ARHGAP21: variants seen among roughly 807,000 people sequenced by gnomAD.
ARHGAP21 encodes the protein Rho GTPase activating protein 21, also known as rho GTPase-activating protein 21.
ARHGAP21 carries 38 observed loss-of-function variants against 164.6 expected under a neutral mutation model. That is an observed-to-expected ratio of 0.23 (90% CI 0.18 to 0.30). The LOEUF is 0.30. Ranked by LOEUF, ARHGAP21 falls within the 10% of genes least tolerant of loss-of-function variation. The pLI, the probability that ARHGAP21 is intolerant of heterozygous loss-of-function variation, is 1.00. For synonymous variants in ARHGAP21, 766 were observed against 857.9 expected, an observed-to-expected ratio of 0.89 and a Z score of 1.87; for missense variants, 1,822 against 2,370.7, an observed-to-expected ratio of 0.77 and a Z score of 4.81.
At chr10:24,675,520 C>T (rs896505425) in intron 2 of ARHGAP21, among the ~76,000 whole-genome samples, 7 of 152,056 alleles carry the variant, frequency 4.6e-5, no homozygotes, top group Admixed American at 3.9e-4. Flanking sequence ...TGCATACTTG[C>T]GTATAAACTT....
rs747384297 is a variant in ARHGAP21 at position 24,619,454 on chromosome 10, T to A, written c.2422+19A>T. 124 of 1,594,204 alleles carry A rather than the reference T, an allele frequency of 7.8e-5. No individual in the cohort carries two copies. The highest frequency in any genetic ancestry group is 9.6e-5 in the Non-Finnish European group (112 of 1,170,912). ...CTTATACATTTGGCATATTAGCCAA[T>A]GACTCTAAATGAGCTCACCTATAAA... On this transcript the variant is annotated intron_variant, in intron 9 of 25. Transcript: ENST00000396432.
intron 9 of ARHGAP21, among the ~76,000 whole-genome samples, chr10:24,612,359 T>A (rs1041755135): frequency 6.6e-6 from 1 of 152,198 alleles, no homozygotes; most frequent in Non-Finnish European, 1.5e-5. Flanking sequence ...AAATGGCAAC[T>A]AACCTAAAAT....
chr10:24,618,403 C>G (rs1834199709), intron 9 of ARHGAP21, among the ~76,000 whole-genome samples: 1 of 152,010 alleles, frequency 6.6e-6, no homozygotes, highest in African/African-American at 2.4e-5. Flanking sequence ...CAAAACATGT[C>G]AAGTGGAAAC....
chr10:24,673,495 T>C lies in ARHGAP21; in HGVS notation c.64-3098A>G, dbSNP rs576198992. Among the ~76,000 whole-genome samples, 18 of 152,304 alleles carry C rather than the reference T, an allele frequency of 1.2e-4. No homozygotes were observed. In the South Asian group the frequency reaches 3.5e-3, roughly 30 times the overall value. ...CACAAATCGCCCTGGAACAACTGTGTGGAGGCTGTGTGCAAGAAAAGAAAA... is the reference window on the plus strand; with the variant it reads ...CACAAATCGCCCTGGAACAACTGTGCGGAGGCTGTGTGCAAGAAAAGAAAA... On this transcript the variant is annotated intron_variant, in intron 2 of 25. Coordinates refer to ENST00000396432, the MANE Select transcript of ARHGAP21 (RefSeq NM_020824.4).
At chr10:24,613,647 T>C (rs1458033885) in intron 9 of ARHGAP21, among the ~76,000 whole-genome samples, 4 of 152,206 alleles carry the variant, frequency 2.6e-5, no homozygotes, top group South Asian at 2.1e-4. Flanking sequence ...ACGTTTGCCA[T>C]GGCAAGATGG....
At chr10:24,652,073 C>A (rs1366643509) in intron 4 of ARHGAP21, among the ~76,000 whole-genome samples, 1 of 152,176 alleles carries the variant, frequency 6.6e-6, no homozygotes, top group Non-Finnish European at 1.5e-5. Context: ...CACATGCAAT[C>A]TCCGTCGCAT....
In ARHGAP21 at chr10:24,620,404, A is replaced by T. The variant is rs772868617; in HGVS notation, c.1491T>A (p.Asp497Glu). ...SFSNHRTRSW[D>E]YIEGQDETLE... ...AGGTTTCATCCTGTCCCTCAATATA[A>T]TCCCATGAACGAGTTCTATGATTAC... Residue 497 changes from aspartate (D) to glutamate (E), a missense_variant, in exon 9 of 26, where the codon GAT becomes GAA. Asp to Glu is a conservative substitution (Grantham distance 45). Transcript: ENST00000396432. 7 of 1,612,286 alleles carry T rather than the reference A, an allele frequency of 4.3e-6. No individual in the cohort carries two copies. The Admixed American group carries it at 1.2e-4, about 27-fold the overall frequency.
chr10:24,597,892 T>C (rs1393534012), intron 15 of ARHGAP21, 53 bp downstream of exon 15: 3 of 1,541,714 alleles, frequency 1.9e-6, no homozygotes, highest in Non-Finnish European at 2.7e-6. Context: ...ATAAGGGGGA[T>C]GACTGTACTG....
rs193213027 is a variant in ARHGAP21 at position 24,602,235 on chromosome 10, T to C, written c.2722-132A>G. 4.7e-5 allele frequency: 48 copies of C among 1,026,194 alleles called. No individual in the cohort carries two copies. The African/African-American group carries it at 4.8e-4, about 10-fold the overall frequency. The allele number at this position is 1,026,194 out of a possible 1,614,324, so 63.6% of individuals were successfully genotyped here. ...GGCTATTTTTGAAAAATCCTAACTT[T>C]ATCTTTTTAAAAATTTCTAGTCTCA... On this transcript the variant is annotated intron_variant, in intron 12 of 25. Transcript: ENST00000396432.
chr10:24,660,797 T>C (rs571914417), intron 4 of ARHGAP21, among the ~76,000 whole-genome samples: 2 of 152,328 alleles, frequency 1.3e-5, no homozygotes, highest in African/African-American at 4.8e-5. Context: ...TTTCCTTTTA[T>C]TAATGGTGCA....
intron 21 of ARHGAP21, 131 bp downstream of exon 21, chr10:24,594,799 CTTTTGCTTTTAAAAACAATT>C (rs1160893363): frequency 2.0e-6 from 1 of 503,686 alleles, no homozygotes; most frequent in East Asian, 3.3e-5. Context: ...ATTTTGGGAT[CTTTTGCTTTTAAAAACAATT>C]TTAAGAAGGA....
At chr10:24,626,328 G>T (rs1032455314) in intron 7 of ARHGAP21, among the ~76,000 whole-genome samples, 1 of 152,046 alleles carries the variant, frequency 6.6e-6, no homozygotes, top group Non-Finnish European at 1.5e-5. Context: ...CCCCTAATTC[G>T]TATGTTGACA....
At chr10:24,637,219 C>G (rs1034645919) in intron 4 of ARHGAP21, among the ~76,000 whole-genome samples, 1 of 152,204 alleles carries the variant, frequency 6.6e-6, no homozygotes, top group Non-Finnish European at 1.5e-5. Context: ...CTGCTGTATT[C>G]AAGTAGACAG....
intron 7 of ARHGAP21, chr10:24,629,073 G>GCAGT (rs1835582169): frequency 7.8e-6 from 1 of 128,360 alleles, no homozygotes; most frequent in South Asian, 2.6e-4. Context: ...TTGGCTCACT[G>GCAGT]CAACCTCTGC....
rs1834389648 is a variant in ARHGAP21 at position 24,620,072 on chromosome 10, G to A, written c.1823C>T (p.Pro608Leu). The change falls in exon 9 of 26, where the codon CCT (proline) becomes CTT (leucine). Residue 608 changes from proline to leucine, a missense_variant. Pro to Leu is a moderately conservative substitution (Grantham distance 98). Transcript: ENST00000396432. ...NFQTTCGMSL[P>L]RGISQDRSPL... ...TGACCTGTCTTGTGAAATACCCCGA[G>A]GCAGTGACATTCCACAAGTAGTCTG... The A allele has an allele frequency of 6.2e-7, 1 of 1,613,956 alleles. No homozygotes were observed. The highest frequency in any genetic ancestry group is 8.5e-7 in the Non-Finnish European group (1 of 1,179,862).
chr10:24,704,295 T>TC (rs1360712723), intron 2 of ARHGAP21, among the ~76,000 whole-genome samples: 23 of 147,450 alleles, frequency 1.6e-4, no homozygotes, highest in Admixed American at 6.1e-4. Flanking sequence ...TTTTCTTTTT[T>TC]TTTTTTTTTT....
chr10:24,619,071 A>G (rs149395825), intron 9 of ARHGAP21, among the ~76,000 whole-genome samples: 18 of 152,326 alleles, frequency 1.2e-4, no homozygotes, highest in African/African-American at 3.4e-4. Context: ...TTACAAAGAA[A>G]TATGTTTTAG....
chr10:24,721,967 C>A lies in ARHGAP21; in HGVS notation c.-68G>T, dbSNP rs1012212377. On this transcript the variant is annotated 5_prime_UTR_variant, in exon 2 of 26. Transcript: ENST00000396432. ...ACATTGGACGTGGCGGGGAATGCCA[C>A]CACACACCCGAAGGGGAAGAATTCC... 1.3e-6 allele frequency: 2 copies of A among 1,522,972 alleles called. No homozygotes were observed. Among genetic ancestry groups the A allele is most frequent in the Admixed American group, 3.5e-5 (2 of 57,714 alleles). The allele number at this position is 1,522,972 out of a possible 1,614,324, so 94.3% of individuals were successfully genotyped here.
chr10:24,616,305 T>C (rs1593037573), intron 9 of ARHGAP21, among the ~76,000 whole-genome samples: 1 of 152,168 alleles, frequency 6.6e-6, no homozygotes, highest in Non-Finnish European at 1.5e-5. Flanking sequence ...TGAATTAGTA[T>C]TAAAGAAGGG....
Sources: gnomAD v4.1 joint callset for allele counts (sites outside exome capture counted in the v4.1 genomes callset) on GRCh38, gnomAD v4.1.1 for gene constraint, MANE v1.5 for transcripts, NCBI Gene and HGNC (gene_info 2026-07-23, HGNC 2026-07-21) for gene names.